PAQR3: variants seen among roughly 807,000 people sequenced by gnomAD.
PAQR3 encodes the protein Raf kinase trapping to Golgi.
Under a neutral mutation model 41.7 loss-of-function variants are expected in PAQR3, and 39 were observed. The ratio of observed to expected loss-of-function variants is 0.93; its 90% CI spans 0.72 to 1.22. The LOEUF is 1.22. Among genes scored for constraint, PAQR3 ranks in the 50% most tolerant of loss-of-function variants. The pLI is 0.00. For missense variants in PAQR3, 366 were observed against 385.6 expected (o/e 0.95, Z 0.42); for synonymous variants, 140 against 140.6 (o/e 1.00, Z 0.03).
At chr4:78,927,069 G>T (rs1014328597) in intron 3 of PAQR3, among the ~76,000 whole-genome samples, 8 of 152,152 alleles carry the variant, frequency 5.3e-5, no homozygotes, top group Admixed American at 5.2e-4. Flanking sequence ...GGCAGAATGT[G>T]AACAAAAGAT....
chr4:78,888,689 G>A (rs1042864451), intron 11 of PAQR3, among the ~76,000 whole-genome samples: 21 of 152,192 alleles, frequency 1.4e-4, no homozygotes, highest in Admixed American at 1.2e-3. Context: ...TTTGTACTTC[G>A]CAACATGTTC....
In PAQR3 at chr4:78,919,105, C is replaced by T. The variant is rs934955808; in HGVS notation, c.*1434G>A. 7 of 984,836 alleles carry T rather than the reference C, an allele frequency of 7.1e-6. No homozygotes were observed. The African/African-American group carries it at 1.2e-4, about 17-fold the overall frequency. The allele number at this position is 984,836 out of a possible 1,614,324, so 61.0% of individuals were successfully genotyped here. A position where few individuals can be genotyped will look rare whatever the true frequency, so the allele number is the denominator to read the frequency against. On this transcript the variant is annotated 3_prime_UTR_variant, in exon 6 of 6. Transcript: ENST00000512733. ...ACACTACACTGGAAAAGAAACACAA[C>T]ATTTTACTGATGTATTAACTGAGGC...
chr4:78,896,429 A>G (rs1733705177), intron 11 of PAQR3, among the ~76,000 whole-genome samples: 1 of 152,234 alleles, frequency 6.6e-6, no homozygotes, highest in African/African-American at 2.4e-5. Context: ...CATTTGACCC[A>G]GGCAAATCAC....
chr4:78,939,126 G>A lies in PAQR3; in HGVS notation c.99C>T (p.Tyr33=). Residue 33 remains tyrosine (Y), a synonymous_variant, in exon 1 of 6, where the codon TAC becomes TAT. Coordinates refer to ENST00000512733, the MANE Select transcript of PAQR3 (RefSeq NM_001040202.2). ...LVPRGIRLYT[Y]EQIPGSLKDN... Reference sequence around the variant, plus strand: ...CCTTGAGGGACCCGGGGATCTGCTCGTAGGTGTACAGGCGGATGCCACGGG... The same window carrying A: ...CCTTGAGGGACCCGGGGATCTGCTCATAGGTGTACAGGCGGATGCCACGGG... The A allele has an allele frequency of 6.2e-7, 1 of 1,613,918 alleles. No individual in the cohort carries two copies. The highest frequency in any genetic ancestry group is 8.5e-7 in the Non-Finnish European group (1 of 1,179,912).
At chr4:78,890,463 A>G (rs911517413) in intron 11 of PAQR3, among the ~76,000 whole-genome samples, 1 of 151,924 alleles carries the variant, frequency 6.6e-6, no homozygotes, top group African/African-American at 2.4e-5. Context: ...TTTTTGACAC[A>G]GTTTTTGGTT....
intron 1 of PAQR3, among the ~76,000 whole-genome samples, chr4:78,935,977 C>T (rs7690151): frequency 0.83 from 126,411 of 152,168 alleles, 52,569 homozygotes; most frequent in East Asian, 0.9. Flanking sequence ...ATGGGTACTA[C>T]GTGCTCTCTT....
In PAQR3 at chr4:78,889,687, G is replaced by A. The variant is rs191849399; in HGVS notation, c.*837-1539C>T. Among the ~76,000 whole-genome samples, 26 of 152,260 alleles carry A rather than the reference G, an allele frequency of 1.7e-4. No homozygotes were observed. The East Asian group carries it at 5.0e-3, about 29-fold the overall frequency. On this transcript the variant is annotated intron_variant and NMD_transcript_variant, in intron 11 of 12. Transcript: ENST00000342820. ...CGTTGTGAGACTGAAAAAGCATCTG[G>A]AGATTTCTAGGACTAGGACCCAAGA...
downstream of PAQR3, chr4:78,910,916 A>C (rs1734556837): frequency 6.2e-7 from 1 of 1,613,958 alleles, no homozygotes; most frequent in Non-Finnish European, 8.5e-7. Flanking sequence ...CTCCTCATGG[A>C]TTCTGAAGAT....
intron 2 of PAQR3, among the ~76,000 whole-genome samples, chr4:78,931,840 T>A (rs1417506677): frequency 6.6e-6 from 1 of 152,222 alleles, no homozygotes; most frequent in Non-Finnish European, 1.5e-5. Flanking sequence ...TTCTTTATAA[T>A]ATGATTATGA....
intron 2 of PAQR3, among the ~76,000 whole-genome samples, chr4:78,931,643 T>A (rs6534080): frequency 6.6e-6 from 1 of 152,006 alleles, no homozygotes; most frequent in Non-Finnish European, 1.5e-5. Context: ...TTGGAAAAGG[T>A]GGGAGGATAT....
chr4:78,936,599 T>C (rs75496184), intron 1 of PAQR3, among the ~76,000 whole-genome samples: 1 of 152,298 alleles, frequency 6.6e-6, no homozygotes, highest in African/African-American at 2.4e-5. Context: ...AAAAATAAAG[T>C]GAATCTTGGA....
chr4:78,892,644 G>A (rs993664965), intron 11 of PAQR3, among the ~76,000 whole-genome samples: 2 of 152,084 alleles, frequency 1.3e-5, no homozygotes, highest in Non-Finnish European at 2.9e-5. Flanking sequence ...AGCATACTTT[G>A]GAGATACTGC....
chr4:78,935,108 T>A lies in PAQR3; in HGVS notation c.348+13A>T. The A allele has an allele frequency of 6.2e-7, 1 of 1,611,134 alleles. No homozygotes were observed. The highest frequency in any genetic ancestry group is 8.5e-7 in the Non-Finnish European group (1 of 1,179,006). ...TTCTCTTTACCAACAGCAGTATTTG[T>A]GAAATGACTTACCTGGAAGCAGAAA... On this transcript the variant is annotated intron_variant, in intron 2 of 5. Coordinates refer to ENST00000512733, the MANE Select transcript of PAQR3 (RefSeq NM_001040202.2).
intron 1 of PAQR3, among the ~76,000 whole-genome samples, chr4:78,935,945 A>C (rs1305605334): frequency 1.3e-5 from 2 of 152,180 alleles, no homozygotes; most frequent in African/African-American, 4.8e-5. Flanking sequence ...CTTTTCACAA[A>C]CAACTGGACT....
intron 11 of PAQR3, among the ~76,000 whole-genome samples, chr4:78,897,248 C>A (rs1454721115): frequency 6.6e-6 from 1 of 151,670 alleles, no homozygotes; most frequent in Admixed American, 6.6e-5. Context: ...AACATAACAT[C>A]TTGGGGAAAA....
In PAQR3 at chr4:78,914,991, C is replaced by T. The variant is rs1033837307; in HGVS notation, c.*5548G>A. The T allele has an allele frequency of 6.6e-6, 1 of 151,796 alleles. No homozygotes were observed. The highest frequency in any genetic ancestry group is 6.6e-5 in the Admixed American group (1 of 15,232). 9.4% of individuals were successfully genotyped at this position (151,796 alleles called of 1,614,324 possible). A position where few individuals can be genotyped will look rare whatever the true frequency, so the allele number is the denominator to read the frequency against. ...AAAATGTTAGTATTAAAAAGATCAG[C>T]TTTTTATGGCATTGAAGAATGTATC... is the stretch of plus-strand genomic sequence containing the variant. On this transcript the variant is annotated 3_prime_UTR_variant, in exon 6 of 6. Coordinates refer to ENST00000512733, the MANE Select transcript of PAQR3 (RefSeq NM_001040202.2).
At chr4:78,894,408 C>T (rs1733594932) in intron 11 of PAQR3, among the ~76,000 whole-genome samples, 1 of 152,198 alleles carries the variant, frequency 6.6e-6, no homozygotes. Flanking sequence ...ACTTGTTACA[C>T]TTCCTGCGTT....
intron 11 of PAQR3, among the ~76,000 whole-genome samples, chr4:78,892,134 A>G (rs565596449): frequency 2.6e-5 from 4 of 152,260 alleles, no homozygotes; most frequent in Non-Finnish European, 4.4e-5. Flanking sequence ...TGTTACTTGT[A>G]CTTTCTGTAA....
intron 11 of PAQR3, among the ~76,000 whole-genome samples, chr4:78,898,497 T>C (rs62307968): frequency 1.3e-5 from 2 of 150,900 alleles, no homozygotes; most frequent in South Asian, 4.2e-4. Context: ...GTGGAGGTAA[T>C]AGGTAGAAAT....
Sources: gnomAD v4.1 joint callset for allele counts (sites outside exome capture counted in the v4.1 genomes callset) on GRCh38, gnomAD v4.1.1 for gene constraint, MANE v1.5 for transcripts, NCBI Gene and HGNC (gene_info 2026-07-23, HGNC 2026-07-21) for gene names.